CCDC178: variants seen among roughly 807,000 people sequenced by gnomAD.
The protein encoded by CCDC178 is coiled-coil domain-containing protein 178.
A neutral mutation model predicts 117.4 loss-of-function variants in CCDC178; 126 were observed. The ratio of observed to expected loss-of-function variants is 1.07; its 90% confidence interval spans 0.93 to 1.24. The LOEUF is 1.24. Among genes scored for constraint, CCDC178 ranks in the 50% most tolerant of loss-of-function variants. The pLI is 0.00. For synonymous variants in CCDC178, 283 were observed against 313.4 expected (o/e 0.90, Z 1.02); for missense variants, 1,030 against 986.9 (o/e 1.04, Z -0.59).
intron 7 of CCDC178, among the ~76,000 whole-genome samples, chr18:33,355,651 T>C (rs2063043919): frequency 6.6e-6 from 1 of 152,188 alleles, no homozygotes; most frequent in Admixed American, 6.5e-5. Flanking sequence ...TTCCAACCTA[T>C]TTTTTCACAG....
intron 11 of CCDC178, among the ~76,000 whole-genome samples, chr18:33,319,300 T>A (rs1282345673): frequency 6.6e-6 from 1 of 152,158 alleles, no homozygotes; most frequent in Non-Finnish European, 1.5e-5. Context: ...TGTTTGTTTC[T>A]TTCTCCTTGC....
At chr18:33,274,253 T>C (rs576494798) in intron 12 of CCDC178, among the ~76,000 whole-genome samples, 3 of 151,930 alleles carry the variant, frequency 2.0e-5, no homozygotes, top group South Asian at 2.1e-4. Context: ...GGACAGATAA[T>C]ACTGATTGTT....
chr18:33,025,230 T>C (rs1248352742), intron 21 of CCDC178, among the ~76,000 whole-genome samples: 2 of 152,152 alleles, frequency 1.3e-5, no homozygotes, highest in Non-Finnish European at 2.9e-5. Context: ...TCCATATCAA[T>C]AGATGCAGAA....
chr18:33,313,563 T>A (rs1381360423), intron 11 of CCDC178, among the ~76,000 whole-genome samples: 8 of 152,138 alleles, frequency 5.3e-5, no homozygotes, highest in Non-Finnish European at 1.0e-4. Flanking sequence ...GCCATTTTTT[T>A]AAAAAAGCCC....
At chr18:33,346,742 C>T (rs1480305113) in intron 8 of CCDC178, among the ~76,000 whole-genome samples, 1 of 151,986 alleles carries the variant, frequency 6.6e-6, no homozygotes, top group Non-Finnish European at 1.5e-5. Flanking sequence ...TAAAATCATG[C>T]TTGTGTGTCC....
At chr18:33,363,097 T>C (rs2063152764) in intron 6 of CCDC178, among the ~76,000 whole-genome samples, 1 of 151,928 alleles carries the variant, frequency 6.6e-6, no homozygotes, top group South Asian at 2.1e-4. Context: ...GTTCTGTAGG[T>C]CTAAAGTGTT....
intron 2 of CCDC178, among the ~76,000 whole-genome samples, chr18:33,433,079 T>C (rs2064243056): frequency 6.6e-6 from 1 of 152,170 alleles, no homozygotes; most frequent in African/African-American, 2.4e-5. Context: ...TCCATTCTAT[T>C]AGTCATTTTT....
At chr18:32,976,921 G>A (rs1239106439) in intron 21 of CCDC178, among the ~76,000 whole-genome samples, 1 of 152,102 alleles carries the variant, frequency 6.6e-6, no homozygotes, top group Admixed American at 6.5e-5. Flanking sequence ...CATCCTGAAT[G>A]AAGAGGCCAT....
At chr18:33,431,875 C>G (rs1452215010) in intron 2 of CCDC178, among the ~76,000 whole-genome samples, 3 of 152,190 alleles carry the variant, frequency 2.0e-5, no homozygotes, top group Non-Finnish European at 4.4e-5. Context: ...AAAGCTGAAG[C>G]AGTCTGAAAT....
intron 20 of CCDC178, among the ~76,000 whole-genome samples, chr18:33,112,802 A>C (rs2057802532): frequency 6.6e-6 from 1 of 151,748 alleles, no homozygotes; most frequent in African/African-American, 2.4e-5. Flanking sequence ...ACCCTACCAC[A>C]CGTATTTATG....
intron 20 of CCDC178, among the ~76,000 whole-genome samples, chr18:33,099,772 G>A (rs746632979): frequency 6.6e-6 from 1 of 151,926 alleles, no homozygotes; most frequent in Non-Finnish European, 1.5e-5. Flanking sequence ...GATATGTGTC[G>A]ATACCCTGAA....
intron 5 of CCDC178, among the ~76,000 whole-genome samples, chr18:33,371,734 AT>A (rs2063302842): frequency 6.6e-6 from 1 of 150,790 alleles, no homozygotes; most frequent in Admixed American, 6.7e-5. Context: ...TGCTATAACT[AT>A]TTTTTGTATG....
At position 32,974,671 on chromosome 18, in the gene CCDC178, A is replaced by G; in HGVS notation, c.2399T>C (p.Leu800Pro). ...SIRDKKQLCQ[L>P]QRRMHTLWQE... The stretch of plus-strand genomic sequence containing the variant: ...CCACAGTGTGTGCATCCTTCTCTGC[A>G]GCTGACAGAGCTAAAGGGAAGAGGG... Residue 800 changes from leucine (L) to proline (P), a missense_variant, in exon 22 of 23, where the codon CTG becomes CCG. Leu to Pro is a moderately conservative substitution (Grantham distance 98, BLOSUM62 -3). Transcript: ENST00000383096. The G allele has an allele frequency of 6.2e-7, 1 of 1,613,000 alleles. No individual in the cohort carries two copies. The highest frequency in any genetic ancestry group is 8.5e-7 in the Non-Finnish European group (1 of 1,179,742).
intron 19 of CCDC178, among the ~76,000 whole-genome samples, chr18:33,214,219 C>G (rs1307660857): frequency 2.0e-5 from 3 of 152,042 alleles, no homozygotes; most frequent in Non-Finnish European, 4.4e-5. Flanking sequence ...TTGGATGAGA[C>G]AAGGTACACA....
intron 12 of CCDC178, among the ~76,000 whole-genome samples, chr18:33,271,924 A>C (rs2059895813): frequency 6.6e-6 from 1 of 151,522 alleles, no homozygotes. Flanking sequence ...CAGTGCTTTA[A>C]AGGAAATTTC....
intron 4 of CCDC178, among the ~76,000 whole-genome samples, chr18:33,395,921 G>C (rs1308557669): frequency 6.6e-6 from 1 of 151,910 alleles, no homozygotes; most frequent in African/African-American, 2.4e-5. Context: ...CATGACCTTG[G>C]ACTAGGATTT....
At chr18:33,082,365 AG>A (rs981711354) in intron 21 of CCDC178, among the ~76,000 whole-genome samples, 1 of 152,102 alleles carries the variant, frequency 6.6e-6, no homozygotes, top group Non-Finnish European at 1.5e-5. Context: ...CCAGCTACTC[AG>A]GGGGCTGAGG....
At chr18:32,952,546 C>A (rs1026302982) in intron 22 of CCDC178, among the ~76,000 whole-genome samples, 3 of 152,166 alleles carry the variant, frequency 2.0e-5, no homozygotes, top group Non-Finnish European at 4.4e-5. Context: ...CAGGGGGGCC[C>A]TGGGCCAAGT....
Position 33,132,139 on chromosome 18 carries a change from G to T in CCDC178, c.2239-39229C>A, listed in dbSNP as rs1022972242. On this transcript the variant is annotated intron_variant, in intron 20 of 22. Transcript: ENST00000383096. ...CTTTAATGGCTTTATAAAAATATTA[G>T]CAGGGTGATAGATGAGTAAAGTGAG... Among the ~76,000 whole-genome samples the T allele has an allele frequency of 3.3e-5, 5 of 151,522 alleles. No individual in the cohort carries two copies. In the South Asian group the frequency reaches 1.0e-3, roughly 31 times the overall value.
Sources: gnomAD v4.1 joint callset for allele counts (sites outside exome capture counted in the v4.1 genomes callset) on GRCh38, gnomAD v4.1.1 for gene constraint, MANE v1.5 for transcripts, NCBI Gene and HGNC (gene_info 2026-07-23, HGNC 2026-07-21) for gene names.